Variants in SPTBN4 observed in about 807,000 individuals in gnomAD.
The protein encoded by SPTBN4 is spectrin beta chain, non-erythrocytic 4.
Under a neutral mutation model 277.8 loss-of-function variants are expected in SPTBN4, and 96 were observed. The ratio of observed to expected loss-of-function variants is 0.35; its 90% CI spans 0.29 to 0.41. SPTBN4 has a LOEUF of 0.41. SPTBN4 is among the 10% of genes least tolerant of loss of function. SPTBN4 has a pLI of 1.00. For missense variants in SPTBN4, 3,006 were observed against 3,595.7 expected, an observed-to-expected ratio of 0.84 and a Z score of 4.19; for synonymous variants, 1,481 against 1,580.3, an observed-to-expected ratio of 0.94 and a Z score of 1.49.
At chr19:40,542,646 AC>A (rs1249870184) in intron 20 of SPTBN4, among the ~76,000 whole-genome samples, 1 of 147,106 alleles carries the variant, frequency 6.8e-6, no homozygotes, top group Non-Finnish European at 1.5e-5. Flanking sequence ...CCAAGGAAAC[AC>A]CCTCCTCCCC....
chr19:40,551,551 A>G (rs985777412), intron 22 of SPTBN4, among the ~76,000 whole-genome samples: 4 of 152,228 alleles, frequency 2.6e-5, no homozygotes, highest in African/African-American at 7.2e-5. Context: ...AAATCTCTGA[A>G]TCTGTTCATT....
chr19:40,530,410 C>A (rs1599770661), intron 18 of SPTBN4: 4 of 743,510 alleles, frequency 5.4e-6, no homozygotes, highest in Non-Finnish European at 6.6e-6. Context: ...AAGAGGCGGG[C>A]AGGGAGGCAG....
At chr19:40,553,988 G>GT (rs1328116378) in intron 22 of SPTBN4, among the ~76,000 whole-genome samples, 159 bp from the exon 23 acceptor site, 1 of 152,344 alleles carries the variant, frequency 6.6e-6, no homozygotes, top group East Asian at 1.9e-4. Context: ...GAGTGAGGGA[G>GT]TATCAGCAAA....
rs1277410769 is a variant in SPTBN4, at chr19:40,565,690, C to A, written c.6084C>A (p.Thr2028=). The change falls in exon 29 of 36, where the codon ACC becomes ACA. Residue 2028 remains threonine, a synonymous_variant. Coordinates refer to ENST00000598249, the MANE Select transcript of SPTBN4 (RefSeq NM_020971.3). ...AGGCACAGCTGGACAAGCTGGGAAC[C>A]AGGAAGGAGGAGGTGTCGGAAAAGT... ...EIQAQLDKLG[T]RKEEVSEKWD... 3.9e-6 allele frequency: 6 copies of A among 1,555,306 alleles called. No homozygotes were observed. The East Asian group carries it at 1.5e-4, about 38-fold the overall frequency.
At position 40,572,016 on chromosome 19, in the gene SPTBN4, C is replaced by T; in HGVS notation, c.7320-3C>T. 5 of 1,537,986 alleles carry T rather than the reference C, an allele frequency of 3.3e-6. No individual in the cohort carries two copies. Among genetic ancestry groups the T allele is most frequent in the Non-Finnish European group, 4.4e-6 (5 of 1,142,492 alleles). Reference sequence around the variant, plus strand: ...TGCCTTGAGCCCCATCTTGTCGCTCCAGGTCGTGGGTGAGCCTGTACTGTG... The same window carrying T: ...TGCCTTGAGCCCCATCTTGTCGCTCTAGGTCGTGGGTGAGCCTGTACTGTG... On this transcript the variant is annotated splice_polypyrimidine_tract_variant and splice_region_variant and intron_variant, in intron 33 of 35. Coordinates refer to ENST00000598249, the MANE Select transcript of SPTBN4 (RefSeq NM_020971.3).
rs758398964 is a variant in SPTBN4, at chr19:40,554,456, G to T, written c.4953+31G>T. 141 of 1,511,784 alleles carry T rather than the reference G, an allele frequency of 9.3e-5. 1 individual carries two copies. The highest frequency in any genetic ancestry group is 1.5e-4 in the Admixed American group (7 of 45,606). 93.6% of individuals were successfully genotyped at this position (1,511,784 alleles called of 1,614,324 possible). A position where few individuals can be genotyped will look rare whatever the true frequency, so the allele number is the denominator to read the frequency against. ...CCCGAGCTGGGGGTGCGGAGGGCCT[G>T]GGGGCGCTGGAGCCGGGGGCCGCCG... On this transcript the variant is annotated intron_variant, in intron 23 of 35. Transcript: ENST00000598249. The surrounding 1 kb of genome is among the most constrained non-coding windows in gnomAD (Gnocchi z 5.7).
At chr19:40,563,220 A>C (rs574020822) in intron 27 of SPTBN4, among the ~76,000 whole-genome samples, 3 of 148,260 alleles carry the variant, frequency 2.0e-5, no homozygotes, top group Non-Finnish European at 3.0e-5. Context: ...TTAAAAAAAA[A>C]TTTTTTTTTT....
Position 40,502,834 on chromosome 19 carries a change from G to C in SPTBN4, c.1263G>C (p.Leu421=). 1 of 1,613,966 alleles carries C rather than the reference G, an allele frequency of 6.2e-7. No homozygotes were observed. Among genetic ancestry groups the C allele is most frequent in the Non-Finnish European group, 8.5e-7 (1 of 1,180,034 alleles). The change falls in exon 11 of 36, where the codon CTG becomes CTC. Residue 421 remains leucine (L), a synonymous_variant. Transcript: ENST00000598249. This position sits in a 1 kb window ranked among gnomAD's most constrained non-coding sequence, Gnocchi z 4.9. ...HEREAALRAE[L]IRQEKLELLA... is the part of the protein sequence containing the mutation. ...GGGAGGCTGCCCTACGGGCTGAGCT[G>C]ATTCGGCAGGAGAAGCTGGAACTAC... is the stretch of plus-strand genomic sequence containing the variant.
rs2080292737 is a variant in SPTBN4, at chr19:40,503,961, A to G, written c.1494A>G (p.Glu498=). The G allele has an allele frequency of 6.2e-7, 1 of 1,613,824 alleles. No homozygotes were observed. The highest frequency in any genetic ancestry group is 8.5e-7 in the Non-Finnish European group (1 of 1,180,014). The change falls in exon 12 of 36, where the codon GAA becomes GAG. Residue 498 remains glutamate, a synonymous_variant. Coordinates refer to ENST00000598249, the MANE Select transcript of SPTBN4 (RefSeq NM_020971.3). ...VAELAQALAA[E]GYYDIRRVAA... The stretch of plus-strand genomic sequence containing the variant: ...AGCTGGCCCAGGCATTGGCAGCCGA[A>G]GGCTACTACGATATCCGGCGGGTGG...
At chr19:40,487,150 C>T (rs554341013) in intron 2 of SPTBN4, among the ~76,000 whole-genome samples, 6 of 151,912 alleles carry the variant, frequency 3.9e-5, no homozygotes, top group Non-Finnish European at 8.8e-5. Context: ...ATTCTCCTGC[C>T]TCAGTCTCCC....
Position 40,550,878 on chromosome 19 carries a change from G to A in SPTBN4, c.4674+551G>A, listed in dbSNP as rs1485284904. On this transcript the variant is annotated intron_variant, in intron 22 of 35. Transcript: ENST00000598249. ...CAGTCCTCCTCTCCTGGTGATAAAA[G>A]GCCTCCAGTGGATTCAGGTTTACCT... is the stretch of plus-strand genomic sequence containing the variant. Among the ~76,000 whole-genome samples, 4 of 152,140 alleles carry A rather than the reference G, an allele frequency of 2.6e-5. No individual in the cohort carries two copies. In the East Asian group the frequency reaches 7.7e-4, roughly 29 times the overall value.
chr19:40,539,856 A>G (rs766259127), intron 20 of SPTBN4, among the ~76,000 whole-genome samples: 5 of 152,246 alleles, frequency 3.3e-5, no homozygotes, highest in Non-Finnish European at 4.4e-5. Context: ...AGGTGAAAAG[A>G]CATAATGCAT....
intron 13 of SPTBN4, among the ~76,000 whole-genome samples, chr19:40,509,994 A>C (rs1434487406): frequency 6.6e-6 from 1 of 152,028 alleles, no homozygotes; most frequent in Non-Finnish European, 1.5e-5. Context: ...CGCCTTGTGA[A>C]TTCTCGGCTC....
intron 27 of SPTBN4, among the ~76,000 whole-genome samples, chr19:40,562,625 G>A (rs937023064): frequency 2.0e-5 from 3 of 151,154 alleles, no homozygotes; most frequent in Admixed American, 1.3e-4. Context: ...ACTTGAGGTC[G>A]GGAGTTCGAG....
At chr19:40,570,170 G>A (rs1482019150) in intron 32 of SPTBN4, among the ~76,000 whole-genome samples, 1 of 151,254 alleles carries the variant, frequency 6.6e-6, no homozygotes, top group South Asian at 2.1e-4. Flanking sequence ...GTGGGGACAC[G>A]CCCTGCTTGC....
In SPTBN4 at chr19:40,512,952, T is replaced by G; in HGVS notation, c.2163T>G (p.Cys721Trp). The part of the protein sequence containing the change: ...RRALLQQALR[C>W]GEELVAAGGA... Reference sequence around the variant, plus strand: ...CGTTGCTGCAGCAGGCCCTGCGGTGTGGCGAGGAGCTGGTTGCGGCCGGCG... The same window carrying G: ...CGTTGCTGCAGCAGGCCCTGCGGTGGGGCGAGGAGCTGGTTGCGGCCGGCG... The change falls in exon 14 of 36, where the codon TGT (cysteine) becomes TGG (tryptophan). Residue 721 changes from cysteine (C) to tryptophan (W), a missense_variant. Transcript: ENST00000598249. 7.1e-7 allele frequency: 1 copy of G among 1,417,768 alleles called. No individual in the cohort carries two copies. The highest frequency in any genetic ancestry group is 9.1e-7 in the Non-Finnish European group (1 of 1,096,498). The allele number at this position is 1,417,768 out of a possible 1,614,324, so 87.8% of individuals were successfully genotyped here.
Position 40,491,713 on chromosome 19 carries a change from C to CAAAAAAAAA in SPTBN4, c.496-1233_496-1225dup, listed in dbSNP as rs35237688. Reference sequence around the variant, plus strand: ...TGGGTAATAGATAGAGACTCTGTCTCAAAAAAAAAAAAAAAAAAAAAAAAA... The same window carrying CAAAAAAAAA: ...TGGGTAATAGATAGAGACTCTGTCTCAAAAAAAAAAAAAAAAAAAAAAAAAAAAAAAAAA... On this transcript the variant is annotated intron_variant, in intron 4 of 35. Transcript: ENST00000598249. 1.4e-3 allele frequency among the ~76,000 whole-genome samples: 53 copies of CAAAAAAAAA among 38,798 alleles called. 7 individuals carry two copies. Among genetic ancestry groups the CAAAAAAAAA allele is most frequent in the African/African-American group, 5.9e-3 (45 of 7,628 alleles). 25.5% of individuals were successfully genotyped at this position (38,798 alleles called of 152,430 possible). A position where few individuals can be genotyped will look rare whatever the true frequency, so the allele number is the denominator to read the frequency against.
chr19:40,513,185 G>A lies in SPTBN4; in HGVS notation c.2396G>A (p.Gly799Asp). 6.7e-7 allele frequency: 1 copy of A among 1,503,196 alleles called. No homozygotes were observed. The highest frequency in any genetic ancestry group is 8.8e-7 in the Non-Finnish European group (1 of 1,134,464). 93.1% of individuals were successfully genotyped at this position (1,503,196 alleles called of 1,614,324 possible). ...GACGCTTACCGCCTGGCAGCCGCCG[G>A]TGACTTCGGCCACGACGAAGCTTCC... ...LRDAYRLAAA[G>D]DFGHDEASSR... Residue 799 changes from glycine to aspartate, a missense_variant, in exon 14 of 36, where the codon GGT (glycine) becomes GAT (aspartate). Around this residue, in one of 5 missense-constraint regions of SPTBN4, gnomAD observed 1,759 missense variants for 2,061.5 expected, o/e 0.85. Coordinates refer to ENST00000598249, the MANE Select transcript of SPTBN4 (RefSeq NM_020971.3).
intron 20 of SPTBN4, among the ~76,000 whole-genome samples, chr19:40,548,683 C>T (rs1484834350): frequency 2.0e-5 from 3 of 151,702 alleles, no homozygotes; most frequent in African/African-American, 7.3e-5. Context: ...CCATTGCACT[C>T]CAGCCTGGGC....
Sources: gnomAD v4.1 joint callset for allele counts (sites outside exome capture counted in the v4.1 genomes callset) on GRCh38, gnomAD v4.1.1 for gene constraint, gnomAD v4.1.1 regional missense constraint, Gnocchi (gnomAD v3.1) non-coding constraint, MANE v1.5 for transcripts, NCBI Gene and HGNC (gene_info 2026-07-23, HGNC 2026-07-21) for gene names.